PPP2R5A: variants seen among roughly 807,000 people sequenced by gnomAD.
PPP2R5A encodes serine/threonine-protein phosphatase 2A 56 kDa regulatory subunit alpha isoform.
In PPP2R5A, 25 loss-of-function variants were observed where a neutral mutation model predicts 64.2. That is an observed-to-expected ratio of 0.39 (90% CI 0.28 to 0.54). PPP2R5A has a LOEUF of 0.54. Ranked by LOEUF, PPP2R5A falls within the 20% of genes least tolerant of loss-of-function variation. The pLI is 0.67. For missense variants in PPP2R5A, 425 were observed against 576.3 expected (o/e 0.74, Z 2.69); for synonymous variants, 198 against 201.2 (o/e 0.98, Z 0.13).
chr1:212,303,971 CTTTG>C (rs1234643453), intron 1 of PPP2R5A, among the ~76,000 whole-genome samples: 1 of 152,116 alleles, frequency 6.6e-6, no homozygotes, highest in Non-Finnish European at 1.5e-5. Context: ...AATCTTCCTA[CTTTG>C]TTTTTCTTTT....
chr1:212,303,490 T>G (rs549126383), intron 1 of PPP2R5A, among the ~76,000 whole-genome samples: 50 of 152,296 alleles, frequency 3.3e-4, no homozygotes, highest in Non-Finnish European at 7.1e-4. Flanking sequence ...TATAAGCCCC[T>G]TGTGTCTTTT....
chr1:212,329,051 G>C, intron 1 of PPP2R5A, 84 bp from the exon 2 acceptor site: 2 of 1,047,150 alleles, frequency 1.9e-6, no homozygotes, highest in Non-Finnish European at 2.6e-6. Context: ...TTACATATGT[G>C]AATAGCTTCT....
chr1:212,351,939 G>A (rs1659888155), intron 8 of PPP2R5A, among the ~76,000 whole-genome samples: 1 of 151,092 alleles, frequency 6.6e-6, no homozygotes, highest in Admixed American at 6.6e-5. Flanking sequence ...AATCTAACTT[G>A]AGCCCCAAAA....
At chr1:212,321,358 G>A (rs1279805354) in intron 1 of PPP2R5A, among the ~76,000 whole-genome samples, 3 of 151,028 alleles carry the variant, frequency 2.0e-5, no homozygotes, top group Admixed American at 6.6e-5. Context: ...GCGGCTGGCC[G>A]GGCGGGGGGC....
At chr1:212,354,624 C>T (rs1456024878) in intron 8 of PPP2R5A, among the ~76,000 whole-genome samples, 2 of 151,750 alleles carry the variant, frequency 1.3e-5, no homozygotes, top group Non-Finnish European at 2.9e-5. Context: ...TTCAAGGTTA[C>T]AATAAGCCTA....
chr1:212,331,310 A>G (rs1269710337), intron 2 of PPP2R5A: 1 of 149,148 alleles, frequency 6.7e-6, no homozygotes, highest in African/African-American at 2.5e-5. Context: ...ACAAGCATAC[A>G]CCACCATGCC....
intron 1 of PPP2R5A, among the ~76,000 whole-genome samples, chr1:212,303,410 A>T (rs1658835016): frequency 1.3e-5 from 2 of 151,840 alleles, no homozygotes; most frequent in Admixed American, 1.3e-4. Context: ...GACTCTTTAG[A>T]TCCTTTGCCC....
At chr1:212,305,035 A>ATTTTTT (rs3070963) in intron 1 of PPP2R5A, among the ~76,000 whole-genome samples, 3 of 107,948 alleles carry the variant, frequency 2.8e-5, no homozygotes, top group East Asian at 2.5e-4. Flanking sequence ...CCGGCCCCCA[A>ATTTTTT]TTTTTTTTTT....
intron 2 of PPP2R5A, 75 bp downstream of exon 2, chr1:212,329,406 TTTTAAA>T: frequency 8.0e-7 from 1 of 1,254,748 alleles, no homozygotes; most frequent in East Asian, 2.6e-5. Context: ...TTGAGACTGA[TTTTAAA>T]TAAATGTACA....
At chr1:212,341,379 C>T (rs1229943664) in intron 3 of PPP2R5A, among the ~76,000 whole-genome samples, 1 of 152,118 alleles carries the variant, frequency 6.6e-6, no homozygotes, top group Non-Finnish European at 1.5e-5. Context: ...AATTAGTTTT[C>T]CCACTGTAGT....
At chr1:212,344,617 G>C (rs908999419) in intron 4 of PPP2R5A, among the ~76,000 whole-genome samples, 8 of 152,172 alleles carry the variant, frequency 5.3e-5, no homozygotes, top group Non-Finnish European at 1.2e-4. Context: ...GTACTCTAGA[G>C]AGAGTATTTT....
intron 3 of PPP2R5A, chr1:212,333,899 A>C: frequency 9.8e-6 from 2 of 203,296 alleles, no homozygotes; most frequent in Non-Finnish European, 2.0e-5. Context: ...ATCACCCCAA[A>C]TGGAAACCCC....
At chr1:212,320,822 C>A in intron 1 of PPP2R5A, among the ~76,000 whole-genome samples, 1 of 137,046 alleles carries the variant, frequency 7.3e-6, no homozygotes, top group Admixed American at 7.1e-5. Context: ...CTGACCCCCC[C>A]ACCTCCCTCC....
intron 2 of PPP2R5A, among the ~76,000 whole-genome samples, chr1:212,332,034 A>G (rs965105535): frequency 1.3e-5 from 2 of 152,222 alleles, no homozygotes; most frequent in Admixed American, 6.5e-5. Context: ...ACTGACAATA[A>G]TAAGTATGAT....
chr1:212,295,654 A>AAG (rs1480406379), intron 1 of PPP2R5A, among the ~76,000 whole-genome samples: 1 of 152,178 alleles, frequency 6.6e-6, no homozygotes, highest in African/African-American at 2.4e-5. Context: ...GAGGCCAAAG[A>AAG]AGACAGGAGA....
chr1:212,356,693 A>G lies in PPP2R5A; in HGVS notation c.978+17A>G. On this transcript the variant is annotated intron_variant, in intron 9 of 12. Transcript: ENST00000261461. ...CAGAAAGAGGTGGGTTTTGTTCACT[A>G]AATGTAGTGCATTTTACTAGAACTT... 1 of 1,610,948 alleles carries G rather than the reference A, an allele frequency of 6.2e-7. No homozygotes were observed. The highest frequency in any genetic ancestry group is 1.1e-5 in the South Asian group (1 of 90,642).
At chr1:212,346,324 T>C (rs1382019594) in intron 5 of PPP2R5A, among the ~76,000 whole-genome samples, 1 of 151,828 alleles carries the variant, frequency 6.6e-6, no homozygotes, top group Non-Finnish European at 1.5e-5. Flanking sequence ...GGTCTTGAAC[T>C]CCTGAACTCA....
chr1:212,337,738 C>T (rs1376175307), intron 3 of PPP2R5A, among the ~76,000 whole-genome samples: 1 of 151,980 alleles, frequency 6.6e-6, no homozygotes, highest in Non-Finnish European at 1.5e-5. Context: ...AGGGAAAAAA[C>T]CTAGGCTCCC....
chr1:212,331,633 A>T (rs1659507122), intron 2 of PPP2R5A: 1 of 152,150 alleles, frequency 6.6e-6, no homozygotes, highest in African/African-American at 2.4e-5. Flanking sequence ...AGGGAGAAAA[A>T]GCAGTATTTC....
Sources: allele counts gnomAD v4.1 joint callset (sites outside exome capture counted in the v4.1 genomes callset), GRCh38; gene constraint gnomAD v4.1.1; transcripts MANE v1.5; gene names NCBI Gene and HGNC (gene_info 2026-07-23, HGNC 2026-07-21).